The following TMPRSS11E variants were observed in gnomAD, a reference collection of about 807,000 sequenced individuals.
TMPRSS11E encodes the protein transmembrane protease serine 11E.
TMPRSS11E carries 38 observed loss-of-function variants against 48.1 expected under a neutral mutation model. The ratio of observed to expected loss-of-function variants is 0.79; its 90% CI spans 0.61 to 1.04. The LOEUF is 1.04. TMPRSS11E is among the 50% of genes least tolerant of loss of function. The probability of loss-of-function intolerance (pLI) is 0.00; values close to 1 mark genes in which losing one functional copy is unlikely to be tolerated. For synonymous variants in TMPRSS11E, 158 were observed against 171.9 expected (o/e 0.92, Z 0.63); for missense variants, 530 against 510.8 (o/e 1.04, Z -0.36).
At position 68,466,629 on chromosome 4, in the gene TMPRSS11E, A is replaced by G. The variant is rs1728933451; in HGVS notation, c.137-2A>G. The G allele has an allele frequency of 6.2e-7, 1 of 1,611,130 alleles. No homozygotes were observed. Among genetic ancestry groups the G allele is most frequent in the Non-Finnish European group, 8.5e-7 (1 of 1,178,830 alleles). The stretch of plus-strand genomic sequence containing the variant: ...GATAGTGTTTTGCTTCTTTCCTTGT[A>G]GATCAAAAGAAGACCTACAATTACT... On this transcript the variant is annotated splice_acceptor_variant, in intron 2 of 9. Transcript: ENST00000305363. LOFTEE classifies it high-confidence loss of function.
In TMPRSS11E at chr4:68,471,624, G is replaced by GT. The variant is rs750787352; in HGVS notation, c.490+2dup. 2.6e-6 allele frequency: 4 copies of GT among 1,567,708 alleles called. No individual in the cohort carries two copies. Among genetic ancestry groups the GT allele is most frequent in the Middle Eastern group, 1.7e-4 (1 of 5,816 alleles). Reference sequence around the variant, plus strand: ...GATCCTCACTCAGTTAAAATTAAAAGTAAGTTAATTTCTCTTATTTTTCTT... The same window carrying GT: ...GATCCTCACTCAGTTAAAATTAAAAGTTAAGTTAATTTCTCTTATTTTTCTT... On this transcript the variant is annotated splice_donor_variant, in intron 5 of 9. Transcript: ENST00000305363. LOFTEE classifies it high-confidence loss of function.
At chr4:68,485,013 C>G (rs1233557901) in intron 9 of TMPRSS11E, among the ~76,000 whole-genome samples, 5 of 152,176 alleles carry the variant, frequency 3.3e-5, no homozygotes, top group African/African-American at 1.2e-4. Context: ...AGTGCACATC[C>G]TTGTCTTTTC....
At chr4:68,469,374 GC>G (rs1220187303) in intron 4 of TMPRSS11E, among the ~76,000 whole-genome samples, 2 of 151,630 alleles carry the variant, frequency 1.3e-5, no homozygotes, top group Non-Finnish European at 2.9e-5. Context: ...AAAATATGTA[GC>G]TGAGAAAATC....
chr4:68,465,402 T>C (rs1560550218), intron 2 of TMPRSS11E, among the ~76,000 whole-genome samples: 1 of 152,184 alleles, frequency 6.6e-6, no homozygotes, highest in African/African-American at 2.4e-5. Context: ...TGCATAACTT[T>C]TATACAACAA....
intron 1 of TMPRSS11E, among the ~76,000 whole-genome samples, chr4:68,456,086 A>T (rs1728621070): frequency 6.6e-6 from 1 of 151,944 alleles, no homozygotes; most frequent in African/African-American, 2.4e-5. Context: ...TAAAACCTTG[A>T]TGATAATCAC....
chr4:68,464,049 T>C (rs1728865449), intron 2 of TMPRSS11E, among the ~76,000 whole-genome samples: 1 of 152,216 alleles, frequency 6.6e-6, no homozygotes, highest in Admixed American at 6.5e-5. Context: ...TGAATCCTGT[T>C]GTTTGGATGA....
At chr4:68,453,883 G>T (rs1022829534) in intron 1 of TMPRSS11E, among the ~76,000 whole-genome samples, 1 of 148,328 alleles carries the variant, frequency 6.7e-6, no homozygotes, top group Non-Finnish European at 1.5e-5. Flanking sequence ...GCTTGATTAC[G>T]TGTCTTCCAA....
intron 9 of TMPRSS11E, among the ~76,000 whole-genome samples, chr4:68,485,878 G>C (rs1729538702): frequency 1.3e-5 from 2 of 151,902 alleles, no homozygotes; most frequent in African/African-American, 4.8e-5. Flanking sequence ...GTTCAATATT[G>C]GGAGTTTGTG....
At chr4:68,487,941 CAAAAAAA>C (rs56299530) in intron 9 of TMPRSS11E, among the ~76,000 whole-genome samples, 2 of 89,970 alleles carry the variant, frequency 2.2e-5, no homozygotes, top group Non-Finnish European at 2.1e-5. Flanking sequence ...GACTCTGTCT[CAAAAAAA>C]AAAAAAAAAA....
At position 68,473,408 on chromosome 4, in the gene TMPRSS11E, C is replaced by T. The variant is rs181760764; in HGVS notation, c.491-1315C>T. Among the ~76,000 whole-genome samples the T allele has an allele frequency of 5.3e-5, 8 of 152,232 alleles. No homozygotes were observed. The South Asian group carries it at 8.3e-4, about 16-fold the overall frequency. ...CTTACTTAATGGAAGGGATAGCACA[C>T]TTACCTTGTACTTGCTTTGAGTCTT... On this transcript the variant is annotated intron_variant, in intron 5 of 9. Coordinates refer to ENST00000305363, the MANE Select transcript of TMPRSS11E (RefSeq NM_014058.4).
At chr4:68,476,528 GT>G (rs1729224879) in intron 7 of TMPRSS11E, 90 bp downstream of exon 7, 2 of 1,330,078 alleles carry the variant, frequency 1.5e-6, no homozygotes, top group Admixed American at 4.9e-5. Context: ...GGAGATATGA[GT>G]TTAGCATAAA....
intron 5 of TMPRSS11E, among the ~76,000 whole-genome samples, chr4:68,473,149 A>T (rs760311922): frequency 3.9e-5 from 6 of 152,078 alleles, no homozygotes; most frequent in Non-Finnish European, 8.8e-5. Context: ...TTGAGGGGTG[A>T]GGAAGGACTA....
intron 3 of TMPRSS11E, 125 bp downstream of exon 3, chr4:68,466,877 C>A (rs1728941839): frequency 1.6e-6 from 2 of 1,239,580 alleles, no homozygotes; most frequent in Non-Finnish European, 2.3e-6. Context: ...TGAAAAGAGG[C>A]CCTAACCCAA....
At position 68,476,438 on chromosome 4, in the gene TMPRSS11E, C is replaced by T. The variant is rs147196017; in HGVS notation, c.707C>T (p.Thr236Ile). Residue 236 changes from threonine to isoleucine, a missense_variant and splice_region_variant, in exon 7 of 10, where the codon ACA becomes ATA. Physicochemically the swap from Thr to Ile is moderately conservative, Grantham distance 89 (BLOSUM62 -1). Transcript: ENST00000305363. ...GTGAGTGCTGCTCACTGTTTTACAA[C>T]GTAAGTCTTGAAGCTTGAGAATGAT... The part of the protein sequence containing the change: ...WLVSAAHCFT[T>I]YKNPARWTAS... 54 of 1,605,390 alleles carry T rather than the reference C, an allele frequency of 3.4e-5. No individual in the cohort carries two copies. The highest frequency in any genetic ancestry group is 1.7e-4 in the Middle Eastern group (1 of 6,040).
At chr4:68,479,106 C>T (rs1729330194) in intron 9 of TMPRSS11E, 115 bp downstream of exon 9, 1 of 1,176,494 alleles carries the variant, frequency 8.5e-7, no homozygotes, top group Non-Finnish European at 1.2e-6. Flanking sequence ...AACATCTCAC[C>T]CAGTTTTCTC....
At chr4:68,469,522 A>G (rs574028569) in intron 4 of TMPRSS11E, among the ~76,000 whole-genome samples, 1 of 151,998 alleles carries the variant, frequency 6.6e-6, no homozygotes, top group Non-Finnish European at 1.5e-5. Context: ...TTCCAATATT[A>G]TTCCAATGAC....
In TMPRSS11E at chr4:68,447,479, C is replaced by G; in HGVS notation, c.-34C>G. 6.2e-7 allele frequency: 1 copy of G among 1,605,834 alleles called. No homozygotes were observed. Among genetic ancestry groups the G allele is most frequent in the East Asian group, 2.2e-5 (1 of 44,506 alleles). Reference sequence around the variant, plus strand: ...GATTCACACACTTGGATGTAGACCTCGACCTTCACAGGACTCTTCATTGCT... The same window carrying G: ...GATTCACACACTTGGATGTAGACCTGGACCTTCACAGGACTCTTCATTGCT... On this transcript the variant is annotated 5_prime_UTR_variant, in exon 1 of 10. Transcript: ENST00000305363.
At chr4:68,453,741 C>G (rs1728556190) in intron 1 of TMPRSS11E, among the ~76,000 whole-genome samples, 1 of 151,822 alleles carries the variant, frequency 6.6e-6, no homozygotes, top group Non-Finnish European at 1.5e-5. Flanking sequence ...CCCAGAGTAA[C>G]AGGGGATTAC....
At chr4:68,478,163 TTTGAGACAGAGTCTCCTTG>T (rs1560555451) in intron 8 of TMPRSS11E, among the ~76,000 whole-genome samples, 3 of 150,526 alleles carry the variant, frequency 2.0e-5, no homozygotes, top group Non-Finnish European at 4.4e-5. Flanking sequence ...TTTTTTTTTT[TTTGAGACAGAGTCTCCTTG>T]TTGAGACAGA....
Sources: gnomAD v4.1 joint callset for allele counts (sites outside exome capture counted in the v4.1 genomes callset) on GRCh38, gnomAD v4.1.1 for gene constraint, MANE v1.5 for transcripts, NCBI Gene and HGNC (gene_info 2026-07-23, HGNC 2026-07-21) for gene names.